RPTOR: variants seen among roughly 807,000 people sequenced by gnomAD.
RPTOR encodes regulatory-associated protein of mTOR.
In RPTOR, 21 loss-of-function variants were observed where a neutral mutation model predicts 169.9. The observed-to-expected ratio is 0.12, with a 90% confidence interval of 0.09 to 0.18. The LOEUF (loss-of-function observed/expected upper bound fraction) is 0.18, where lower values mean the gene tolerates loss of function less well. Ranked by LOEUF, RPTOR falls within the 10% of genes least tolerant of loss-of-function variation. RPTOR has a pLI of 1.00. For synonymous variants in RPTOR, 732 were observed against 753.2 expected, an observed-to-expected ratio of 0.97 and a Z score of 0.46; for missense variants, 1,133 against 1,855.9, an observed-to-expected ratio of 0.61 and a Z score of 7.16.
chr17:80,739,187 C>CG (rs141944749), intron 5 of RPTOR, among the ~76,000 whole-genome samples: 83,118 of 151,168 alleles, frequency 0.55, 23,088 homozygotes, highest in African/African-American at 0.59. Context: ...CGCCCCGACG[C>CG]GGAGGCAGAT....
intron 1 of RPTOR, among the ~76,000 whole-genome samples, chr17:80,621,555 C>G (rs2065354639): frequency 6.6e-6 from 1 of 152,206 alleles, no homozygotes; most frequent in South Asian, 2.1e-4. Flanking sequence ...AGCGAGCTTG[C>G]CCTAGTCCTG....
chr17:80,597,278 G>A (rs989702203), intron 1 of RPTOR, among the ~76,000 whole-genome samples: 2 of 152,126 alleles, frequency 1.3e-5, no homozygotes, highest in South Asian at 2.1e-4. Context: ...CAGGGAATGC[G>A]GAGTTTAGGG....
intron 7 of RPTOR, chr17:80,802,418 C>T (rs955375212): frequency 6.6e-6 from 1 of 152,052 alleles, no homozygotes; most frequent in African/African-American, 2.4e-5. Flanking sequence ...ATGGTGAAAC[C>T]GTCTCTACTA....
chr17:80,902,243 AGC>A (rs2068485232), intron 20 of RPTOR, among the ~76,000 whole-genome samples: 1 of 152,194 alleles, frequency 6.6e-6, no homozygotes, highest in South Asian at 2.1e-4. Flanking sequence ...CTCCAGGTGA[AGC>A]CTTCGTTAAA....
intron 23 of RPTOR, chr17:80,923,881 G>A (rs1365996766): frequency 1.7e-6 from 1 of 581,834 alleles, no homozygotes. Flanking sequence ...CTCCTTAGGA[G>A]CACTGCTGGG....
At chr17:80,722,314 C>T (rs1407074752) in intron 4 of RPTOR, among the ~76,000 whole-genome samples, 3 of 151,120 alleles carry the variant, frequency 2.0e-5, no homozygotes, top group African/African-American at 7.4e-5. Flanking sequence ...GTGGTAGTTG[C>T]AGCTGAACAT....
chr17:80,793,079 G>A (rs552033341), intron 7 of RPTOR, among the ~76,000 whole-genome samples: 68 of 152,266 alleles, frequency 4.5e-4, no homozygotes, highest in African/African-American at 1.6e-3. Context: ...TCAAAGCGCC[G>A]GGATTACAGG....
At chr17:80,807,859 T>G (rs562298044) in intron 7 of RPTOR, among the ~76,000 whole-genome samples, 1 of 152,316 alleles carries the variant, frequency 6.6e-6, no homozygotes, top group Non-Finnish European at 1.5e-5. Flanking sequence ...TGTCTCATAG[T>G]CTTCCCATTG....
In RPTOR at chr17:80,844,834, G is replaced by A. The variant is rs931680250; in HGVS notation, c.1213-1639G>A. On this transcript the variant is annotated intron_variant, in intron 10 of 33. Transcript: ENST00000306801. This position sits in a 1 kb window ranked among gnomAD's most constrained non-coding sequence, Gnocchi z 4.7. ...TGGAACCCGGGGCACAGCCGACCCC[G>A]GCCAGATGAGCGGAGGGAGGGTTCC... 9.2e-5 allele frequency among the ~76,000 whole-genome samples: 14 copies of A among 152,224 alleles called. No individual in the cohort carries two copies. The highest frequency in any genetic ancestry group is 2.7e-4 in the African/African-American group (11 of 41,466).
At chr17:80,559,570 G>A (rs1157006540) in intron 1 of RPTOR, among the ~76,000 whole-genome samples, 2 of 152,220 alleles carry the variant, frequency 1.3e-5, no homozygotes, top group Admixed American at 6.5e-5. Context: ...TGTGGCATGC[G>A]TCTCCCGTTG....
intron 11 of RPTOR, among the ~76,000 whole-genome samples, chr17:80,849,269 C>CCGG (rs1232002804): frequency 5.9e-5 from 9 of 152,334 alleles, no homozygotes; most frequent in African/African-American, 2.2e-4. Context: ...TCACTCGCTT[C>CCGG]CGGTTTTCCG....
chr17:80,681,043 G>A (rs1262206214), intron 3 of RPTOR, among the ~76,000 whole-genome samples: 3 of 152,122 alleles, frequency 2.0e-5, no homozygotes, highest in Non-Finnish European at 4.4e-5. Context: ...CTCAGGACGG[G>A]GCTTCAAGGC....
chr17:80,945,216 G>C (rs2069085403), intron 25 of RPTOR, among the ~76,000 whole-genome samples: 1 of 152,030 alleles, frequency 6.6e-6, no homozygotes, highest in Non-Finnish European at 1.5e-5. Flanking sequence ...GATCACTTGA[G>C]CAGGAGGTGG....
chr17:80,681,561 T>C (rs2065897981), intron 3 of RPTOR, among the ~76,000 whole-genome samples: 1 of 151,966 alleles, frequency 6.6e-6, no homozygotes, highest in African/African-American at 2.4e-5. Context: ...TCAACATTTC[T>C]AGTTCTCTTA....
intron 7 of RPTOR, among the ~76,000 whole-genome samples, chr17:80,808,316 T>A (rs1484313729): frequency 6.6e-6 from 1 of 152,160 alleles, no homozygotes; most frequent in South Asian, 2.1e-4. Flanking sequence ...TCCCAGCTGC[T>A]TGGGAGGCTG....
chr17:80,589,818 A>AT (rs1166218246), intron 1 of RPTOR, among the ~76,000 whole-genome samples: 1 of 152,094 alleles, frequency 6.6e-6, no homozygotes, highest in African/African-American at 2.4e-5. Context: ...TCACATATTT[A>AT]TTTGGATTTC....
In RPTOR at chr17:80,864,953, G is replaced by A. The variant is rs181772243; in HGVS notation, c.1509+7053G>A. Among the ~76,000 whole-genome samples, 144 of 152,254 alleles carry A rather than the reference G, an allele frequency of 9.5e-4. 1 individual carries two copies. The highest frequency in any genetic ancestry group is 4.0e-3 in the Admixed American group (61 of 15,302). ...AGCCATCCTCCTGCCTCAGCCTCCC[G>A]AGTAGCCGGGATCACGGGCACAAGC... On this transcript the variant is annotated intron_variant, in intron 13 of 33. Coordinates refer to ENST00000306801, the MANE Select transcript of RPTOR (RefSeq NM_020761.3).
chr17:80,547,737 C>T lies in RPTOR; in HGVS notation c.162+1946C>T, dbSNP rs568040645. 2.0e-3 allele frequency among the ~76,000 whole-genome samples: 298 copies of T among 152,224 alleles called. 1 individual carries two copies. Among genetic ancestry groups the T allele is most frequent in the African/African-American group, 6.9e-3 (288 of 41,524 alleles). ...CACACATGCTATAGGACAGAAGTTG[C>T]AAACTCAAATGATATTGAGTGGGGA... is the stretch of plus-strand genomic sequence containing the variant. On this transcript the variant is annotated intron_variant, in intron 1 of 33. Coordinates refer to ENST00000306801, the MANE Select transcript of RPTOR (RefSeq NM_020761.3).
chr17:80,560,815 C>T (rs1210807711), intron 1 of RPTOR, among the ~76,000 whole-genome samples: 1 of 152,152 alleles, frequency 6.6e-6, no homozygotes, highest in East Asian at 1.9e-4. Context: ...GTATAGAGAA[C>T]AGGGACTCTG....
Sources: allele counts gnomAD v4.1 joint callset (sites outside exome capture counted in the v4.1 genomes callset), GRCh38; gene constraint gnomAD v4.1.1; non-coding constraint Gnocchi (gnomAD v3.1); transcripts MANE v1.5; gene names NCBI Gene and HGNC (gene_info 2026-07-23, HGNC 2026-07-21).